Variants in KIF13A observed in about 807,000 individuals in gnomAD.
KIF13A encodes kinesin family member 13A, also known as kinesin-like protein KIF13A.
A neutral mutation model predicts 212.2 loss-of-function variants in KIF13A; 79 were observed. The observed-to-expected ratio is 0.37, with a 90% CI of 0.31 to 0.45. The LOEUF (loss-of-function observed/expected upper bound fraction) is 0.45. Among genes scored for constraint, KIF13A ranks in the 20% least tolerant of loss-of-function variants. The pLI is 1.00. For missense variants in KIF13A, 1,901 were observed against 2,209.0 expected, an observed-to-expected ratio of 0.86 and a Z score of 2.79; for synonymous variants, 789 against 808.6, an observed-to-expected ratio of 0.98 and a Z score of 0.41.
At chr6:17,938,935 T>C (rs1776721175) in intron 2 of KIF13A, among the ~76,000 whole-genome samples, 2 of 152,064 alleles carry the variant, frequency 1.3e-5, no homozygotes, top group South Asian at 2.1e-4. Context: ...ACCAATCTCA[T>C]GAAATTTTCT....
At position 17,895,162 on chromosome 6, in the gene KIF13A, C is replaced by T. The variant is rs112384216; in HGVS notation, c.159+3006G>A. Among the ~76,000 whole-genome samples, 1,107 of 152,226 alleles carry T rather than the reference C, an allele frequency of 7.3e-3. 19 individuals are homozygous for T. Among genetic ancestry groups the T allele is most frequent in the African/African-American group, 0.025 (1,039 of 41,540 alleles). On this transcript the variant is annotated intron_variant, in intron 3 of 38. Coordinates refer to ENST00000259711, the MANE Select transcript of KIF13A (RefSeq NM_022113.6). This position sits in a 1 kb window ranked among gnomAD's most constrained non-coding sequence, Gnocchi z 4.4. The stretch of plus-strand genomic sequence containing the variant: ...ACTTTCTATAGCTTCTAGTTCTCTC[C>T]AACATTTTTCAATCTTATGTTTTAT...
rs1341625832 is a variant in KIF13A, at chr6:17,808,521, A to G, written c.2163+247T>C. Among the ~76,000 whole-genome samples, 7 of 152,248 alleles carry G rather than the reference A, an allele frequency of 4.6e-5. No individual in the cohort carries two copies. In the East Asian group the frequency reaches 1.3e-3, roughly 29 times the overall value. On this transcript the variant is annotated intron_variant, in intron 18 of 38. Transcript: ENST00000259711. ...GTTTCCAGTTTTATTGTTTTAAAGA[A>G]GGCATATAAATTAGGAAGTCCTTCA...
intron 4 of KIF13A, among the ~76,000 whole-genome samples, chr6:17,859,660 G>C (rs1207959665): frequency 7.8e-6 from 1 of 127,556 alleles, no homozygotes; most frequent in African/African-American, 2.9e-5. Context: ...TTTTTGAGAC[G>C]AGTCTTGCCC....
At chr6:17,791,340 T>C (rs1360700806) in intron 25 of KIF13A, among the ~76,000 whole-genome samples, 3 of 152,098 alleles carry the variant, frequency 2.0e-5, no homozygotes, top group African/African-American at 7.2e-5. Flanking sequence ...ATATTCTGCA[T>C]TGGTTTCAGC....
At chr6:17,770,360 G>GTTTTTTTTT (rs1486324465) in intron 38 of KIF13A, 1 of 59,200 alleles carries the variant, frequency 1.7e-5, no homozygotes, top group Admixed American at 3.1e-4. Context: ...GAATAAACAG[G>GTTTTTTTTT]ATTTTTTTTT....
chr6:17,866,894 T>C (rs941061961), intron 4 of KIF13A, among the ~76,000 whole-genome samples: 3 of 147,854 alleles, frequency 2.0e-5, no homozygotes, highest in Non-Finnish European at 4.5e-5. Context: ...CACACATATA[T>C]ATACACTTAA....
At chr6:17,836,602 T>A (rs1428262601) in intron 11 of KIF13A, among the ~76,000 whole-genome samples, 1 of 152,164 alleles carries the variant, frequency 6.6e-6, no homozygotes, top group Non-Finnish European at 1.5e-5. Flanking sequence ...GGGTAATTTA[T>A]AAAGAAAAGG....
intron 2 of KIF13A, among the ~76,000 whole-genome samples, chr6:17,922,279 G>C (rs986011234): frequency 6.6e-6 from 1 of 152,094 alleles, no homozygotes; most frequent in African/African-American, 2.4e-5. Context: ...CAACAATTTG[G>C]AAATTCCCAA....
At chr6:17,778,808 C>T (rs1230659012) in intron 33 of KIF13A, 139 bp downstream of exon 33, 1 of 936,080 alleles carries the variant, frequency 1.1e-6, no homozygotes, top group African/African-American at 1.7e-5. Context: ...ACTATTTTGC[C>T]AGAGTCCTTT....
At position 17,867,701 on chromosome 6, in the gene KIF13A, T is replaced by C. The variant is rs986528925; in HGVS notation, c.220+5676A>G. 3.3e-5 allele frequency among the ~76,000 whole-genome samples: 5 copies of C among 152,352 alleles called. 1 individual carries two copies. The highest frequency in any genetic ancestry group is 4.1e-4 in the South Asian group (2 of 4,832). ...ACTTCATTCAAACAGACCACCTGAATAGTAAAATAATGAACCAATACAATA... is the reference window on the plus strand; with the variant it reads ...ACTTCATTCAAACAGACCACCTGAACAGTAAAATAATGAACCAATACAATA... On this transcript the variant is annotated intron_variant, in intron 4 of 38. Coordinates refer to ENST00000259711, the MANE Select transcript of KIF13A (RefSeq NM_022113.6).
At chr6:17,803,417 C>T (rs973495625) in intron 20 of KIF13A, among the ~76,000 whole-genome samples, 21 of 152,084 alleles carry the variant, frequency 1.4e-4, no homozygotes, top group African/African-American at 5.1e-4. Flanking sequence ...TGCACTTACA[C>T]CCCACAACTG....
In KIF13A at chr6:17,860,227, C is replaced by T. The variant is rs150476531; in HGVS notation, c.221-4105G>A. ...CTTCTGAGATGGAGTCTTGTTCTGTCGCCCAGGCTGGAGTGCAGTGGTACA... is the reference window on the plus strand; with the variant it reads ...CTTCTGAGATGGAGTCTTGTTCTGTTGCCCAGGCTGGAGTGCAGTGGTACA... On this transcript the variant is annotated intron_variant, in intron 4 of 38. Coordinates refer to ENST00000259711, the MANE Select transcript of KIF13A (RefSeq NM_022113.6). 7.1e-3 allele frequency among the ~76,000 whole-genome samples: 1,072 copies of T among 152,040 alleles called. 11 individuals are homozygous for T. Among genetic ancestry groups the T allele is most frequent in the African/African-American group, 0.024 (1,000 of 41,466 alleles).
At chr6:17,896,247 C>A (rs1581665855) in intron 3 of KIF13A, among the ~76,000 whole-genome samples, 1 of 108,972 alleles carries the variant, frequency 9.2e-6, no homozygotes, top group African/African-American at 3.6e-5. Flanking sequence ...ATTCCCCTCC[C>A]CCCACCCCCA....
chr6:17,897,425 A>C lies in KIF13A; in HGVS notation c.159+743T>G, dbSNP rs1274825896. Among the ~76,000 whole-genome samples the C allele has an allele frequency of 1.3e-5, 2 of 152,180 alleles. No individual in the cohort carries two copies. Among genetic ancestry groups the C allele is most frequent in the African/African-American group, 4.8e-5 (2 of 41,456 alleles). ...GCTAAGTGTCCCTCTGATACTCAGC[A>C]AAATGCTCACTGGTAACAAAATCAA... On this transcript the variant is annotated intron_variant, in intron 3 of 38. Transcript: ENST00000259711. The surrounding 1 kb of genome is among the most constrained non-coding windows in gnomAD (Gnocchi z 4.8).
Position 17,829,354 on chromosome 6 carries a change from G to A in KIF13A, c.1402-984C>T, listed in dbSNP as rs1765235692. ...AATACATGCGTGATAAAATGAGAGA[G>A]CAGAGCCAAACAACATGTTCGTGTT... On this transcript the variant is annotated intron_variant, in intron 13 of 38. Transcript: ENST00000259711. The surrounding 1 kb of genome is among the most constrained non-coding windows in gnomAD (Gnocchi z 5.4). Among the ~76,000 whole-genome samples, 1 of 152,214 alleles carries A rather than the reference G, an allele frequency of 6.6e-6. No individual in the cohort carries two copies. The highest frequency in any genetic ancestry group is 6.5e-5 in the Admixed American group (1 of 15,286).
chr6:17,836,869 T>C lies in KIF13A; in HGVS notation c.1155+9A>G, dbSNP rs2150379965. ...ACTTTACCAGCAGGGAGTACCAGGC[T>C]GCTTTTACCTCTGCCTGAGAGAGCT... is the stretch of plus-strand genomic sequence containing the variant. On this transcript the variant is annotated intron_variant, in intron 11 of 38. Transcript: ENST00000259711. 6 of 1,612,998 alleles carry C rather than the reference T, an allele frequency of 3.7e-6. No homozygotes were observed. The Middle Eastern group carries it at 6.7e-4, about 179-fold the overall frequency.
In KIF13A at chr6:17,888,074, A is replaced by C. The variant is rs1771716417; in HGVS notation, c.159+10094T>G. ...CTATCCATACTTGCAGGCCTCCTGA[A>C]GTTCCATGTTTAGCTATGAAGCCTT... is the stretch of plus-strand genomic sequence containing the variant. On this transcript the variant is annotated intron_variant, in intron 3 of 38. Transcript: ENST00000259711. This position sits in a 1 kb window ranked among gnomAD's most constrained non-coding sequence, Gnocchi z 4.8. Among the ~76,000 whole-genome samples the C allele has an allele frequency of 6.6e-6, 1 of 152,138 alleles. No individual in the cohort carries two copies. The highest frequency in any genetic ancestry group is 1.5e-5 in the Non-Finnish European group (1 of 68,028).
At chr6:17,976,818 A>G (rs1163695348) in intron 2 of KIF13A, among the ~76,000 whole-genome samples, 1 of 151,580 alleles carries the variant, frequency 6.6e-6, no homozygotes, top group Non-Finnish European at 1.5e-5. Context: ...AAAAAAAAAA[A>G]AGAGGCTGGG....
chr6:17,860,248 G>A (rs983779446), intron 4 of KIF13A, among the ~76,000 whole-genome samples: 2 of 151,968 alleles, frequency 1.3e-5, no homozygotes, highest in Admixed American at 1.3e-4. Context: ...GAGTGCAGTG[G>A]TACAATCTCA....
Sources: gnomAD v4.1 joint callset for allele counts (sites outside exome capture counted in the v4.1 genomes callset) on GRCh38, gnomAD v4.1.1 for gene constraint, Gnocchi (gnomAD v3.1) non-coding constraint, MANE v1.5 for transcripts, NCBI Gene and HGNC (gene_info 2026-07-23, HGNC 2026-07-21) for gene names.